The following GALNT16 variants were observed in gnomAD, a reference collection of about 807,000 sequenced individuals.
GALNT16 encodes UDP-GalNAc:polypeptide N-acetylgalactosaminyltransferase-like protein 1.
GALNT16 carries 40 observed loss-of-function variants against 76.1 expected under a neutral mutation model. The observed-to-expected ratio is 0.53, with a 90% CI of 0.41 to 0.68. GALNT16 has a LOEUF of 0.68. Ranked by LOEUF, GALNT16 falls within the 30% of genes least tolerant of loss-of-function variation. The pLI is 0.00. For missense variants in GALNT16, 621 were observed against 731.9 expected, an observed-to-expected ratio of 0.85 and a Z score of 1.75; for synonymous variants, 276 against 285.2, an observed-to-expected ratio of 0.97 and a Z score of 0.32.
intron 12 of GALNT16, among the ~76,000 whole-genome samples, chr14:69,344,803 G>C (rs1296864793): frequency 2.0e-4 from 31 of 152,166 alleles, no homozygotes; most frequent in Admixed American, 2.0e-3. Flanking sequence ...TATTCCCCCT[G>C]TGCAGTTATC....
At chr14:69,332,950 T>C in intron 7 of GALNT16, 135 bp from the exon 8 acceptor site, 1 of 704,210 alleles carries the variant, frequency 1.4e-6, no homozygotes, top group South Asian at 1.6e-5. Context: ...GCTTGGCTCA[T>C]TCCGAATGAA....
At chr14:69,302,765 T>A (rs2044872111) in intron 1 of GALNT16, among the ~76,000 whole-genome samples, 1 of 152,154 alleles carries the variant, frequency 6.6e-6, no homozygotes, top group African/African-American at 2.4e-5. Context: ...CAGATAAAAA[T>A]GAATAAATTT....
chr14:69,290,878 A>G (rs1195632632), intron 1 of GALNT16, among the ~76,000 whole-genome samples: 2 of 152,246 alleles, frequency 1.3e-5, no homozygotes, highest in Non-Finnish European at 2.9e-5. Context: ...GAGGAAGGTA[A>G]CGTCACCAGG....
intron 1 of GALNT16, among the ~76,000 whole-genome samples, chr14:69,294,054 C>T (rs2044722235): frequency 6.6e-6 from 1 of 152,086 alleles, no homozygotes; most frequent in Admixed American, 6.6e-5. Context: ...CCATGCCCAG[C>T]TAATTTTTGT....
the GALNT16 span, among the ~76,000 whole-genome samples, chr14:69,384,966 T>A: frequency 1.3e-5 from 2 of 152,068 alleles, no homozygotes; most frequent in African/African-American, 2.4e-5. Context: ...TTCCAACTAC[T>A]TCAATTTCCT....
chr14:69,320,946 G>T, intron 2 of GALNT16, 78 bp downstream of exon 2: 1 of 1,359,216 alleles, frequency 7.4e-7, no homozygotes, highest in Non-Finnish European at 1.0e-6. Context: ...TCTTTTACGT[G>T]TATCTAAGAA....
intron 14 of GALNT16, 98 bp from the exon 15 acceptor site, chr14:69,351,933 C>A: frequency 8.6e-7 from 1 of 1,156,118 alleles, no homozygotes; most frequent in Non-Finnish European, 1.2e-6. Context: ...TAGTTATATA[C>A]AAGGGCTGTG....
At chr14:69,274,038 G>A (rs191994360) in intron 1 of GALNT16, among the ~76,000 whole-genome samples, 1 of 152,126 alleles carries the variant, frequency 6.6e-6, no homozygotes, top group African/African-American at 2.4e-5. Flanking sequence ...AAAGTGTCAG[G>A]GTTCATATTC....
intron 6 of GALNT16, 40 bp downstream of exon 6, chr14:69,328,611 C>A: frequency 1.9e-6 from 3 of 1,594,994 alleles, no homozygotes; most frequent in Non-Finnish European, 2.6e-6. Context: ...TCCTTGGGGA[C>A]TCAGCCACTA....
At chr14:69,385,015 C>G in the GALNT16 span, among the ~76,000 whole-genome samples, 8 of 152,290 alleles carry the variant, frequency 5.3e-5, 1 homozygote, top group Admixed American at 2.0e-4. Flanking sequence ...CACTTCCTAA[C>G]ACTCTAATGT....
chr14:69,325,907 C>T, intron 4 of GALNT16, 55 bp from the exon 5 acceptor site: 1 of 1,404,344 alleles, frequency 7.1e-7, no homozygotes, highest in Non-Finnish European at 1.0e-6. Context: ...AGCCAAACCA[C>T]TAGTGGCCTG....
At chr14:69,383,800 T>C in the GALNT16 span, among the ~76,000 whole-genome samples, 1 of 152,198 alleles carries the variant, frequency 6.6e-6, no homozygotes, top group Non-Finnish European at 1.5e-5. Context: ...ATATAGCAAA[T>C]ATTGTATTAA....
chr14:69,377,470 T>C, the GALNT16 span, among the ~76,000 whole-genome samples: 2 of 152,234 alleles, frequency 1.3e-5, no homozygotes, highest in Non-Finnish European at 2.9e-5. Context: ...TAAGTGGCAA[T>C]ACTAGTATCA....
intron 1 of GALNT16, among the ~76,000 whole-genome samples, chr14:69,272,637 TTCAC>T (rs2044419794): frequency 6.6e-6 from 1 of 152,196 alleles, no homozygotes; most frequent in Admixed American, 6.5e-5. Context: ...GGCCTTCCCA[TTCAC>T]TCATCACGCA....
the GALNT16 span, among the ~76,000 whole-genome samples, chr14:69,365,746 CCCTGCACAT>C: frequency 4.6e-5 from 7 of 151,976 alleles, no homozygotes; most frequent in Non-Finnish European, 8.8e-5. Context: ...TATGTAACAA[CCCTGCACAT>C]CCTGCACATG....
At chr14:69,277,987 A>G (rs1443434310) in intron 1 of GALNT16, among the ~76,000 whole-genome samples, 2 of 151,996 alleles carry the variant, frequency 1.3e-5, no homozygotes, top group Non-Finnish European at 1.5e-5. Context: ...AATGCAAATC[A>G]AAACCACAAT....
intron 1 of GALNT16, among the ~76,000 whole-genome samples, chr14:69,269,810 T>TTGTGTGTA (rs1555395706): frequency 6.9e-6 from 1 of 144,488 alleles, no homozygotes; most frequent in African/African-American, 2.8e-5. Flanking sequence ...ATTTGTGTGT[T>TTGTGTGTA]TGTGTGTGTG....
chr14:69,276,795 A>T lies in GALNT16; in HGVS notation c.177+16328A>T, dbSNP rs57502235. ...TCTTTGTCTTTGTCCTTTTTGGAAT[A>T]AAAAAACTCTGATTTTAAAGCATGT... On this transcript the variant is annotated intron_variant, in intron 1 of 14. Coordinates refer to ENST00000448469, the MANE Select transcript of GALNT16 (RefSeq NM_001168368.2). 2.9e-3 allele frequency among the ~76,000 whole-genome samples: 436 copies of T among 152,322 alleles called. 1 individual carries two copies. Among genetic ancestry groups the T allele is most frequent in the African/African-American group, 9.9e-3 (412 of 41,574 alleles).
chr14:69,372,506 T>TC, the GALNT16 span, among the ~76,000 whole-genome samples: 1 of 147,480 alleles, frequency 6.8e-6, no homozygotes, highest in East Asian at 2.0e-4. Context: ...TTTTTTTTTT[T>TC]TTTTTTTGAA....
Sources: allele counts gnomAD v4.1 joint callset (sites outside exome capture counted in the v4.1 genomes callset), GRCh38; gene constraint gnomAD v4.1.1; transcripts MANE v1.5; gene names NCBI Gene and HGNC (gene_info 2026-07-23, HGNC 2026-07-21).